Variants in RYR2 observed in about 807,000 individuals in gnomAD.
The protein encoded by RYR2 is cardiac muscle ryanodine receptor-calcium release channel.
RYR2 carries 227 observed loss-of-function variants against 601.1 expected under a neutral mutation model. That is an observed-to-expected ratio of 0.38 (90% CI 0.34 to 0.42). The LOEUF is 0.42. Among genes scored for constraint, RYR2 ranks in the 10% least tolerant of loss-of-function variants. RYR2 has a pLI of 1.00. For synonymous variants in RYR2, 2,223 were observed against 2,175.1 expected (o/e 1.02, Z -0.61); for missense variants, 4,646 against 6,156.5 (o/e 0.75, Z 8.21).
At chr1:237,493,660 G>C (rs373913788) in intron 19 of RYR2, among the ~76,000 whole-genome samples, 2 of 152,230 alleles carry the variant, frequency 1.3e-5, no homozygotes, top group African/African-American at 4.8e-5. Context: ...CACCGTGTTA[G>C]CCAGGATGGT....
chr1:237,297,513 C>G (rs1360827399), intron 2 of RYR2, among the ~76,000 whole-genome samples: 2 of 152,070 alleles, frequency 1.3e-5, no homozygotes, highest in African/African-American at 4.8e-5. Context: ...GGAACAATAG[C>G]TATTTCAAAC....
In RYR2 at chr1:237,831,458, G is replaced by A. The variant is rs1043277914; in HGVS notation, c.14757-56G>A. ...CATACAATTTATCTAAATATGCCCT[G>A]TTTATCCTAATATTTCCATACCGTT... On this transcript the variant is annotated intron_variant, in intron 103 of 104. Coordinates refer to ENST00000366574, the MANE Select transcript of RYR2 (RefSeq NM_001035.3). 4 of 960,610 alleles carry A rather than the reference G, an allele frequency of 4.2e-6. No individual in the cohort carries two copies. The African/African-American group carries it at 4.9e-5, about 12-fold the overall frequency. 59.5% of individuals were successfully genotyped at this position (960,610 alleles called of 1,614,324 possible).
chr1:237,067,649 C>T (rs1663813560), intron 1 of RYR2, among the ~76,000 whole-genome samples: 1 of 152,132 alleles, frequency 6.6e-6, no homozygotes, highest in Admixed American at 6.5e-5. Context: ...TCTATATCTA[C>T]AAAAAATTTC....
intron 98 of RYR2, among the ~76,000 whole-genome samples, chr1:237,805,134 T>C (rs1305040695): frequency 2.0e-5 from 3 of 152,172 alleles, no homozygotes. Flanking sequence ...AGGAAGTCAA[T>C]AAATGTTTCT....
intron 2 of RYR2, among the ~76,000 whole-genome samples, chr1:237,316,546 T>A (rs1172640094): frequency 6.6e-6 from 1 of 152,218 alleles, no homozygotes; most frequent in East Asian, 1.9e-4. Flanking sequence ...AGATGTATTA[T>A]CTTCCTGCTC....
intron 2 of RYR2, among the ~76,000 whole-genome samples, chr1:237,296,786 T>A (rs1395498912): frequency 2.0e-5 from 3 of 152,168 alleles, no homozygotes; most frequent in Non-Finnish European, 4.4e-5. Flanking sequence ...ACTTCTGGCA[T>A]TTAGAGGCAG....
Position 237,621,732 on chromosome 1 carries a change from A to G in RYR2, c.5917-2033A>G, listed in dbSNP as rs957692722. The stretch of plus-strand genomic sequence containing the variant: ...ATCACATGGTACCTCATAAATACAT[A>G]CAATTAATATTTACCAATTAAATAT... On this transcript the variant is annotated intron_variant, in intron 38 of 104. Transcript: ENST00000366574. 1.2e-4 allele frequency among the ~76,000 whole-genome samples: 19 copies of G among 152,212 alleles called. No individual in the cohort carries two copies. The South Asian group carries it at 2.5e-3, about 20-fold the overall frequency.
At chr1:237,700,719 T>C (rs1352925075) in intron 65 of RYR2, among the ~76,000 whole-genome samples, 1 of 152,168 alleles carries the variant, frequency 6.6e-6, no homozygotes, top group Non-Finnish European at 1.5e-5. Context: ...TTCCACATTG[T>C]TGAAGTTTCC....
intron 2 of RYR2, among the ~76,000 whole-genome samples, chr1:237,319,461 G>T (rs1006915510): frequency 9.2e-5 from 14 of 152,086 alleles, no homozygotes; most frequent in South Asian, 2.1e-4. Context: ...TTGTTGCTGG[G>T]TTTTTTTATT....
chr1:237,486,517 T>C (rs955718815), intron 17 of RYR2, among the ~76,000 whole-genome samples: 1 of 145,388 alleles, frequency 6.9e-6, no homozygotes, highest in African/African-American at 2.6e-5. Context: ...TTGGATGAAG[T>C]ATAAGACTTA....
chr1:237,345,474 T>TAAAAAAA (rs890907449), intron 3 of RYR2, among the ~76,000 whole-genome samples: 2,438 of 145,476 alleles, frequency 0.017, 35 homozygotes, highest in Non-Finnish European at 0.026. Context: ...AAATAAAAAA[T>TAAAAAAA]AAAAAATAAA....
intron 1 of RYR2, among the ~76,000 whole-genome samples, chr1:237,187,715 T>A (rs1010370385): frequency 6.6e-6 from 1 of 152,034 alleles, no homozygotes; most frequent in Non-Finnish European, 1.5e-5. Flanking sequence ...AAAGTGTTGG[T>A]ATTACAGGCA....
chr1:237,287,829 T>G (rs1266881581), intron 2 of RYR2, among the ~76,000 whole-genome samples: 1 of 152,210 alleles, frequency 6.6e-6, no homozygotes, highest in Non-Finnish European at 1.5e-5. Flanking sequence ...GGATTTCTTC[T>G]TGGTTTGGAG....
intron 2 of RYR2, among the ~76,000 whole-genome samples, chr1:237,287,213 C>T (rs1284945174): frequency 6.6e-6 from 1 of 152,184 alleles, no homozygotes; most frequent in African/African-American, 2.4e-5. Flanking sequence ...TATAGGCTAC[C>T]TGGTGCTTCT....
Position 237,614,274 on chromosome 1 carries a change from A to G in RYR2, c.5146A>G (p.Thr1716Ala). The G allele has an allele frequency of 6.2e-7, 1 of 1,614,010 alleles. No homozygotes were observed. Among genetic ancestry groups the G allele is most frequent in the Non-Finnish European group, 8.5e-7 (1 of 1,179,892 alleles). Residue 1716 changes from threonine (T) to alanine (A), a missense_variant, in exon 37 of 105, where the codon ACT (threonine) becomes GCT (alanine). By Grantham distance (58) the Thr-to-Ala change is moderately conservative. This residue lies in a region of RYR2 where 1,807 missense variants were observed against 2,088.1 expected (regional missense o/e 0.87). Transcript: ENST00000366574. This position sits in a 1 kb window ranked among gnomAD's most constrained non-coding sequence, Gnocchi z 4.3. ...TGACATCCACCTGAGCTCCTATGCCACTGCCAGGCTCATGATGAACAACGA... is the reference window on the plus strand; with the variant it reads ...TGACATCCACCTGAGCTCCTATGCCGCTGCCAGGCTCATGATGAACAACGA... ...LIDIHLSSYA[T>A]ARLMMNNEYI...
chr1:237,071,795 T>C (rs1204239896), intron 1 of RYR2, among the ~76,000 whole-genome samples: 1 of 152,004 alleles, frequency 6.6e-6, no homozygotes, highest in Admixed American at 6.6e-5. Flanking sequence ...CACCGAGGGG[T>C]GCCTGCCGAG....
intron 15 of RYR2, 37 bp from the exon 16 acceptor site, chr1:237,456,563 T>A: frequency 2.0e-5 from 29 of 1,445,064 alleles, no homozygotes; most frequent in Non-Finnish European, 2.6e-5. Flanking sequence ...CAGTTTTGGA[T>A]GTCTGATTGT....
In RYR2 at chr1:237,805,368, T is replaced by C. The variant is rs569589322; in HGVS notation, c.14152-769T>C. Among the ~76,000 whole-genome samples the C allele has an allele frequency of 6.6e-5, 10 of 152,068 alleles. No individual in the cohort carries two copies. In the South Asian group the frequency reaches 8.3e-4, roughly 13 times the overall value. ...GGCCGAGGCGGGTGGATCACGAGGT[T>C]AGGAGATCAAGACCATCCTGGTTAA... On this transcript the variant is annotated intron_variant, in intron 98 of 104. Coordinates refer to ENST00000366574, the MANE Select transcript of RYR2 (RefSeq NM_001035.3).
chr1:237,292,131 A>C (rs1421209), intron 2 of RYR2, among the ~76,000 whole-genome samples: 1 of 151,998 alleles, frequency 6.6e-6, no homozygotes, highest in African/African-American at 2.4e-5. Flanking sequence ...CCAACAAGAG[A>C]TCCCTAAATG....
Sources: allele counts gnomAD v4.1 joint callset (sites outside exome capture counted in the v4.1 genomes callset), GRCh38; gene constraint gnomAD v4.1.1; regional missense constraint gnomAD v4.1.1; non-coding constraint Gnocchi (gnomAD v3.1); transcripts MANE v1.5; gene names NCBI Gene and HGNC (gene_info 2026-07-23, HGNC 2026-07-21).